The following KLHDC1 variants were observed in gnomAD, a reference collection of about 807,000 sequenced individuals.
KLHDC1 encodes the protein kelch domain containing 1.
KLHDC1 carries 53 observed loss-of-function variants against 68.3 expected under a neutral mutation model. The observed-to-expected ratio is 0.78, with a 90% CI of 0.62 to 0.98. KLHDC1 has a LOEUF of 0.98. KLHDC1 is among the 50% of genes least tolerant of loss of function. KLHDC1 has a pLI of 0.00. For missense variants in KLHDC1, 470 were observed against 492.3 expected (o/e 0.95, Z 0.43); for synonymous variants, 148 against 159.0 (o/e 0.93, Z 0.52).
rs1888653889 is a variant in KLHDC1 at position 49,725,679 on chromosome 14, C to T, written c.484-7C>T. ...GCTTTGAGATATTTAAAACATTTCT[C>T]TTTTAGGAAGAGCAGATATTCTGGG... On this transcript the variant is annotated splice_polypyrimidine_tract_variant and splice_region_variant and intron_variant, in intron 5 of 12. Transcript: ENST00000359332. The T allele has an allele frequency of 7.0e-7, 1 of 1,421,524 alleles. No individual in the cohort carries two copies. The highest frequency in any genetic ancestry group is 9.8e-7 in the Non-Finnish European group (1 of 1,024,564). The allele number at this position is 1,421,524 out of a possible 1,614,324, so 88.1% of individuals were successfully genotyped here. A position where few individuals can be genotyped will look rare whatever the true frequency, so the allele number is the denominator to read the frequency against.
At chr14:49,700,818 C>T (rs1261378383) in intron 1 of KLHDC1, among the ~76,000 whole-genome samples, 3 of 151,984 alleles carry the variant, frequency 2.0e-5, no homozygotes, top group Non-Finnish European at 2.9e-5. Flanking sequence ...CAGTGGCTCA[C>T]GCCTGTAATC....
At chr14:49,709,669 T>C in intron 2 of KLHDC1, 40 bp from the exon 3 acceptor site, 1 of 1,182,138 alleles carries the variant, frequency 8.5e-7, no homozygotes, top group Non-Finnish European at 1.2e-6. Context: ...TAATTTGCCT[T>C]TCTGGAAAGT....
intron 5 of KLHDC1, among the ~76,000 whole-genome samples, chr14:49,725,225 A>C (rs1166664274): frequency 7.1e-6 from 1 of 141,244 alleles, no homozygotes; most frequent in Admixed American, 7.4e-5. Flanking sequence ...GAGAGTGGTC[A>C]TAAGTTTAAT....
At position 49,729,539 on chromosome 14, in the gene KLHDC1, G is replaced by C; in HGVS notation, c.701G>C (p.Trp234Ser). Residue 234 changes from tryptophan (W) to serine (S), a missense_variant, in exon 8 of 13, where the codon TGG becomes TCG. Transcript: ENST00000359332. ...LHYLNLDTWTWSGRITINGES... is the reference protein window; with the variant it reads ...LHYLNLDTWTSSGRITINGES... ...TATCTAAACCTAGACACCTGGACTT[G>C]GTCTGGAAGGTAAGTTTGAAGTCTA... 6.2e-7 allele frequency: 1 copy of C among 1,606,206 alleles called. No individual in the cohort carries two copies. The highest frequency in any genetic ancestry group is 1.1e-5 in the South Asian group (1 of 90,752).
At chr14:49,717,580 G>A (rs1594663220) in intron 4 of KLHDC1, among the ~76,000 whole-genome samples, 2 of 152,086 alleles carry the variant, frequency 1.3e-5, no homozygotes, top group South Asian at 4.2e-4. Flanking sequence ...GTTACGTTAC[G>A]GTAGTACTTT....
At position 49,740,094 on chromosome 14, in the gene KLHDC1, A is replaced by G. The variant is rs1170212960; in HGVS notation, c.897-4A>G. 4.4e-6 allele frequency: 7 copies of G among 1,584,692 alleles called. No individual in the cohort carries two copies. In the South Asian group the frequency reaches 6.7e-5, roughly 15 times the overall value. ...TTCACTCTGTTTATAATTTTCAATC[A>G]TAGGTTATGGCACACAGCCTGTTTG... On this transcript the variant is annotated splice_polypyrimidine_tract_variant and splice_region_variant and intron_variant, in intron 10 of 12. Transcript: ENST00000359332.
At chr14:49,713,830 A>ATTT (rs1566602881) in intron 4 of KLHDC1, among the ~76,000 whole-genome samples, 1 of 2,112 alleles carries the variant, frequency 4.7e-4, no homozygotes, top group Admixed American at 5.5e-3. Flanking sequence ...ATATATATAT[A>ATTT]TATATATATA....
At chr14:49,698,768 G>A (rs888395485) in intron 1 of KLHDC1, among the ~76,000 whole-genome samples, 21 of 150,574 alleles carry the variant, frequency 1.4e-4, no homozygotes, top group African/African-American at 4.6e-4. Flanking sequence ...AGCCCACCTC[G>A]GCCTCCCAAA....
At chr14:49,720,353 C>T (rs1007228715) in intron 4 of KLHDC1, among the ~76,000 whole-genome samples, 1 of 152,180 alleles carries the variant, frequency 6.6e-6, no homozygotes, top group African/African-American at 2.4e-5. Flanking sequence ...CTCCTGGGTT[C>T]AAGCACTCCT....
intron 4 of KLHDC1, among the ~76,000 whole-genome samples, chr14:49,717,117 G>C (rs1231071603): frequency 1.3e-5 from 2 of 152,052 alleles, no homozygotes; most frequent in Non-Finnish European, 2.9e-5. Flanking sequence ...TTTATATGTT[G>C]GTAGATGCTT....
At chr14:49,713,988 A>G (rs1888302997) in intron 4 of KLHDC1, among the ~76,000 whole-genome samples, 1 of 147,984 alleles carries the variant, frequency 6.8e-6, no homozygotes, top group African/African-American at 2.5e-5. Flanking sequence ...CTGGGATTAC[A>G]GGTGCACGCC....
chr14:49,736,974 C>A (rs1423207544), intron 10 of KLHDC1, among the ~76,000 whole-genome samples: 1 of 152,228 alleles, frequency 6.6e-6, no homozygotes, highest in African/African-American at 2.4e-5. Context: ...GTAGCCAGAT[C>A]TGATAGCCTA....
intron 1 of KLHDC1, among the ~76,000 whole-genome samples, chr14:49,697,487 A>G (rs1219224577): frequency 3.9e-5 from 6 of 152,260 alleles, no homozygotes; most frequent in African/African-American, 1.4e-4. Flanking sequence ...AGAATTACCA[A>G]AATGTGACAC....
In KLHDC1 at chr14:49,747,241, C is replaced by T. The variant is rs147742788; in HGVS notation, c.1034+3436C>T. Among the ~76,000 whole-genome samples the T allele has an allele frequency of 4.0e-3, 612 of 152,316 alleles. 5 individuals carry two copies. Among genetic ancestry groups the T allele is most frequent in the African/African-American group, 0.014 (578 of 41,566 alleles). On this transcript the variant is annotated intron_variant, in intron 12 of 12. Transcript: ENST00000359332. ...GGATTACAGGCGTGAGCCACCACAC[C>T]CAGCCTTAACTTTCTTTCATATCCA...
intron 1 of KLHDC1, among the ~76,000 whole-genome samples, chr14:49,694,853 C>CAAAACAAA (rs1389593748): frequency 1.3e-5 from 2 of 151,914 alleles, no homozygotes; most frequent in Non-Finnish European, 2.9e-5. Context: ...GACTCCGTCT[C>CAAAACAAA]AAAACAAAAA....
Position 49,695,116 on chromosome 14 carries a change from A to ATGTGTGTGTGTGTGTGTGTGTG in KLHDC1, c.96+1838_96+1859dup, listed in dbSNP as rs71115393. The stretch of plus-strand genomic sequence containing the variant: ...CTCTGTAACATGCAATGCAGTTTTG[A>ATGTGTGTGTGTGTGTGTGTGTG]TGTGTGTGTGTGTGTGTGTGTGTGT... On this transcript the variant is annotated intron_variant, in intron 1 of 12. Coordinates refer to ENST00000359332, the MANE Select transcript of KLHDC1 (RefSeq NM_172193.3). 2.2e-4 allele frequency among the ~76,000 whole-genome samples: 31 copies of ATGTGTGTGTGTGTGTGTGTGTG among 142,202 alleles called. 1 individual carries two copies. The highest frequency in any genetic ancestry group is 4.7e-4 in the African/African-American group (18 of 38,070). The allele number at this position is 142,202 out of a possible 152,430, so 93.3% of individuals were successfully genotyped here.
At chr14:49,695,150 T>TGTGTGTGTG (rs1887702009) in intron 1 of KLHDC1, among the ~76,000 whole-genome samples, 1 of 33,562 alleles carries the variant, frequency 3.0e-5, no homozygotes, top group Non-Finnish European at 8.4e-5. Flanking sequence ...GTGTGTGTGT[T>TGTGTGTGTG]TTGAGACAAT....
At chr14:49,729,066 A>T in intron 7 of KLHDC1, 57 bp downstream of exon 7, 5 of 1,170,014 alleles carry the variant, frequency 4.3e-6, no homozygotes, top group South Asian at 3.8e-5. Flanking sequence ...ATAAAAATTT[A>T]TCCTCTGATT....
At chr14:49,723,436 G>A (rs775921014) in intron 4 of KLHDC1, among the ~76,000 whole-genome samples, 1 of 152,098 alleles carries the variant, frequency 6.6e-6, no homozygotes, top group Non-Finnish European at 1.5e-5. Context: ...GAGGTCTGAG[G>A]CAGGAGGACT....
Sources: gnomAD v4.1 joint callset for allele counts (sites outside exome capture counted in the v4.1 genomes callset) on GRCh38, gnomAD v4.1.1 for gene constraint, MANE v1.5 for transcripts, NCBI Gene and HGNC (gene_info 2026-07-23, HGNC 2026-07-21) for gene names.